The following RAB22A variants were observed in gnomAD, a reference collection of about 807,000 sequenced individuals.
The protein encoded by RAB22A is ras-related protein Rab-22A.
In RAB22A, 13 loss-of-function variants were observed where a neutral mutation model predicts 30.2. The ratio of observed to expected loss-of-function variants is 0.43; its 90% CI spans 0.28 to 0.68. The LOEUF is 0.68. RAB22A is among the 30% of genes least tolerant of loss of function. The pLI is 0.18. For missense variants in RAB22A, 177 were observed against 246.8 expected, an observed-to-expected ratio of 0.72 and a Z score of 1.89; for synonymous variants, 89 against 87.2, an observed-to-expected ratio of 1.02 and a Z score of -0.11.
At chr20:58,317,958 C>T (rs117452999) in intron 2 of RAB22A, among the ~76,000 whole-genome samples, 2,090 of 152,272 alleles carry the variant, frequency 0.014, 23 homozygotes, top group Non-Finnish European at 0.02. Flanking sequence ...TAAGCTCAAG[C>T]GATCTTCTTG....
chr20:58,343,251 G>A (rs753529533), intron 2 of RAB22A, among the ~76,000 whole-genome samples: 11 of 152,060 alleles, frequency 7.2e-5, no homozygotes, highest in Non-Finnish European at 1.2e-4. Flanking sequence ...TTATTAATTC[G>A]CATGTTAACA....
rs1568683566 is a variant in RAB22A, at chr20:58,359,722, G to C, written c.*19G>C. On this transcript the variant is annotated 3_prime_UTR_variant, in exon 7 of 7. Transcript: ENST00000244040. ...CTGCTGACCGAACCTCAGCCTCTCA[G>C]ACTTGATGATGAAGTAGGTGGTCCT... 5.1e-6 allele frequency: 8 copies of C among 1,578,874 alleles called. No homozygotes were observed. The highest frequency in any genetic ancestry group is 6.1e-6 in the Non-Finnish European group (7 of 1,149,078).
At chr20:58,350,593 CTT>C (rs1555855659) in intron 3 of RAB22A, among the ~76,000 whole-genome samples, 1 of 152,182 alleles carries the variant, frequency 6.6e-6, no homozygotes, top group Admixed American at 6.5e-5. Flanking sequence ...TGATGGCTAA[CTT>C]TACACATAAA....
intron 2 of RAB22A, among the ~76,000 whole-genome samples, chr20:58,314,469 C>T (rs1665923675): frequency 6.6e-6 from 1 of 152,200 alleles, no homozygotes. Context: ...ATAACTGACT[C>T]CTACAGTGAT....
At chr20:58,326,727 G>A (rs60190470) in intron 2 of RAB22A, among the ~76,000 whole-genome samples, 6,995 of 152,114 alleles carry the variant, frequency 0.046, 214 homozygotes, top group African/African-American at 0.085. Context: ...ACTTAATATG[G>A]AGTCTTGTAG....
chr20:58,325,616 G>A (rs1232755833), intron 2 of RAB22A, among the ~76,000 whole-genome samples: 1 of 152,126 alleles, frequency 6.6e-6, no homozygotes, highest in Non-Finnish European at 1.5e-5. Context: ...CCTTTTCTAT[G>A]TATGTCTCTC....
intron 2 of RAB22A, among the ~76,000 whole-genome samples, chr20:58,322,051 G>T (rs572254386): frequency 1.1e-4 from 17 of 152,324 alleles, no homozygotes; most frequent in Non-Finnish European, 2.2e-4. Context: ...TCCTGCTGTG[G>T]CTTCACAAAG....
At chr20:58,355,253 G>C (rs1987112348) in intron 6 of RAB22A, among the ~76,000 whole-genome samples, 1 of 152,174 alleles carries the variant, frequency 6.6e-6, no homozygotes, top group African/African-American at 2.4e-5. Context: ...AGGCAAGGTT[G>C]ACCCATGAGC....
chr20:58,314,426 C>T (rs982303471), intron 2 of RAB22A, among the ~76,000 whole-genome samples: 5 of 152,168 alleles, frequency 3.3e-5, no homozygotes, highest in African/African-American at 7.2e-5. Flanking sequence ...ACTATGAAAA[C>T]ATGTGACAGG....
At chr20:58,358,810 G>A (rs1330867476) in intron 6 of RAB22A, among the ~76,000 whole-genome samples, 3 of 151,472 alleles carry the variant, frequency 2.0e-5, no homozygotes, top group African/African-American at 4.9e-5. Flanking sequence ...TGGGAGAATC[G>A]CTTGAACCTA....
In RAB22A at chr20:58,359,996, G is replaced by T. The variant is rs896730624; in HGVS notation, c.*293G>T. 2 of 175,704 alleles carry T rather than the reference G, an allele frequency of 1.1e-5. No homozygotes were observed. Among genetic ancestry groups the T allele is most frequent in the African/African-American group, 2.4e-5 (1 of 42,334 alleles). 10.9% of individuals were successfully genotyped at this position (175,704 alleles called of 1,614,324 possible). A position where few individuals can be genotyped will look rare whatever the true frequency, so the allele number is the denominator to read the frequency against. On this transcript the variant is annotated 3_prime_UTR_variant, in exon 7 of 7. Transcript: ENST00000244040. ...ATGGATGGTAGGATTAAGTTGTTGA[G>T]TAGTTTTGTAATCAAGATTTTATGT...
At chr20:58,317,506 C>T (rs988251310) in intron 2 of RAB22A, among the ~76,000 whole-genome samples, 3 of 150,904 alleles carry the variant, frequency 2.0e-5, no homozygotes, top group African/African-American at 7.3e-5. Context: ...ATTTAAAATG[C>T]TTAGGAAAGT....
At chr20:58,331,526 G>A (rs8118305) in intron 2 of RAB22A, among the ~76,000 whole-genome samples, 8,426 of 152,078 alleles carry the variant, frequency 0.055, 277 homozygotes, top group Middle Eastern at 0.099. Context: ...CTTATTGACC[G>A]TTCTCTTATC....
Position 58,364,678 on chromosome 20 carries a change from A to G in RAB22A, c.*4975A>G, listed in dbSNP as rs1337176081. ...AATTATTTTCATGAGCAAGAATTCA[A>G]GTATCAAGGCCTATCAGCCAATTAA... is the stretch of plus-strand genomic sequence containing the variant. On this transcript the variant is annotated 3_prime_UTR_variant, in exon 7 of 7. Coordinates refer to ENST00000244040, the MANE Select transcript of RAB22A (RefSeq NM_020673.3). The G allele has an allele frequency of 6.6e-6, 1 of 152,096 alleles. No individual in the cohort carries two copies. The highest frequency in any genetic ancestry group is 6.5e-5 in the Admixed American group (1 of 15,278). The allele number at this position is 152,096 out of a possible 1,614,324, so 9.4% of individuals were successfully genotyped here. A position where few individuals can be genotyped will look rare whatever the true frequency, so the allele number is the denominator to read the frequency against.
rs116977775 is a variant in RAB22A at position 58,346,520 on chromosome 20, G to A, written c.198+2721G>A. On this transcript the variant is annotated intron_variant, in intron 3 of 6. Transcript: ENST00000244040. ...CAGCTGGCTCCTTTCCCGTCTTTTAGTGTCAGGTTAAATGTGATGCACTCA... is the reference window on the plus strand; with the variant it reads ...CAGCTGGCTCCTTTCCCGTCTTTTAATGTCAGGTTAAATGTGATGCACTCA... Among the ~76,000 whole-genome samples the A allele has an allele frequency of 2.2e-3, 340 of 152,328 alleles. 2 individuals are homozygous for A. The highest frequency in any genetic ancestry group is 4.2e-3 in the Admixed American group (64 of 15,306).
chr20:58,320,170 T>TA (rs918805957), intron 2 of RAB22A, among the ~76,000 whole-genome samples: 1 of 152,194 alleles, frequency 6.6e-6, no homozygotes, highest in African/African-American at 2.4e-5. Context: ...GAATTGGTAT[T>TA]ACGTCTTCCT....
At chr20:58,342,342 T>G (rs927543693) in intron 2 of RAB22A, among the ~76,000 whole-genome samples, 2 of 152,344 alleles carry the variant, frequency 1.3e-5, no homozygotes, top group Admixed American at 6.5e-5. Flanking sequence ...TTACCTTCGC[T>G]TCCTAGTCAC....
At chr20:58,345,978 G>A (rs1365069433) in intron 3 of RAB22A, 2 of 152,444 alleles carry the variant, frequency 1.3e-5, no homozygotes, top group East Asian at 1.9e-4. Context: ...CCCTGCTCTC[G>A]GACAAGTAAC....
intron 2 of RAB22A, among the ~76,000 whole-genome samples, chr20:58,321,726 T>G (rs963686745): frequency 1.4e-5 from 2 of 140,856 alleles, no homozygotes; most frequent in African/African-American, 5.7e-5. Flanking sequence ...TGTTTTTATA[T>G]ATTTTTATAT....
Sources: gnomAD v4.1 joint callset for allele counts (sites outside exome capture counted in the v4.1 genomes callset) on GRCh38, gnomAD v4.1.1 for gene constraint, MANE v1.5 for transcripts, NCBI Gene and HGNC (gene_info 2026-07-23, HGNC 2026-07-21) for gene names.